The following KIAA0825 variants were observed in gnomAD, a reference collection of about 807,000 sequenced individuals.
KIAA0825 encodes the protein KIAA0825.
In KIAA0825, 119 loss-of-function variants were observed where a neutral mutation model predicts 147.6. The ratio of observed to expected loss-of-function variants is 0.81; its 90% CI spans 0.69 to 0.94. The LOEUF is 0.94. Ranked by LOEUF, KIAA0825 falls within the 40% of genes least tolerant of loss-of-function variation. The pLI is 0.00. For missense variants in KIAA0825, 1,381 were observed against 1,472.7 expected (o/e 0.94, Z 1.02); for synonymous variants, 470 against 518.1 (o/e 0.91, Z 1.26).
chr5:94,432,376 A>G (rs1755795353), intron 14 of KIAA0825, among the ~76,000 whole-genome samples: 1 of 152,174 alleles, frequency 6.6e-6, no homozygotes, highest in Non-Finnish European at 1.5e-5. Context: ...CTTATTTTAC[A>G]TAATCCATAT....
At chr5:94,529,271 GT>G (rs1375516222) in intron 3 of KIAA0825, among the ~76,000 whole-genome samples, 1 of 128,496 alleles carries the variant, frequency 7.8e-6, no homozygotes. Context: ...TCATATATAT[GT>G]ATGTATCATA....
chr5:94,313,836 T>TA (rs1259420666), intron 20 of KIAA0825, among the ~76,000 whole-genome samples: 2 of 151,578 alleles, frequency 1.3e-5, no homozygotes, highest in Admixed American at 6.6e-5. Flanking sequence ...ACCTTTACCT[T>TA]ACGGCTGCCC....
At chr5:94,491,054 A>C (rs1462657161) in intron 5 of KIAA0825, among the ~76,000 whole-genome samples, 1 of 152,194 alleles carries the variant, frequency 6.6e-6, no homozygotes, top group African/African-American at 2.4e-5. Flanking sequence ...ACAAGAGAAA[A>C]TGAGAAGCTA....
intron 20 of KIAA0825, among the ~76,000 whole-genome samples, chr5:94,191,222 A>G (rs1246004109): frequency 6.6e-6 from 1 of 152,206 alleles, no homozygotes; most frequent in Non-Finnish European, 1.5e-5. Flanking sequence ...GCAGTGATTC[A>G]TTCTCATTTA....
intron 20 of KIAA0825, among the ~76,000 whole-genome samples, chr5:94,248,621 T>A (rs1338833520): frequency 3.9e-5 from 6 of 152,064 alleles, no homozygotes; most frequent in Non-Finnish European, 8.8e-5. Flanking sequence ...TGTCAGTCCA[T>A]AGACCCCATT....
At chr5:94,463,809 A>G (rs573137718) in intron 11 of KIAA0825, among the ~76,000 whole-genome samples, 2 of 152,062 alleles carry the variant, frequency 1.3e-5, no homozygotes, top group East Asian at 3.9e-4. Flanking sequence ...GATTTCACAA[A>G]TATCTCATAA....
At chr5:94,611,310 G>A (rs1444213540) in intron 1 of KIAA0825, among the ~76,000 whole-genome samples, 4 of 152,006 alleles carry the variant, frequency 2.6e-5, no homozygotes, top group African/African-American at 4.8e-5. Context: ...ATTTCCTCGT[G>A]TATGATAGTT....
At chr5:94,254,563 GA>G (rs1319490963) in intron 20 of KIAA0825, among the ~76,000 whole-genome samples, 1 of 151,942 alleles carries the variant, frequency 6.6e-6, no homozygotes, top group Non-Finnish European at 1.5e-5. Flanking sequence ...GAGACTTTTT[GA>G]TTTTTTTGCT....
intron 20 of KIAA0825, among the ~76,000 whole-genome samples, chr5:94,254,041 TTA>T (rs1277879731): frequency 6.6e-6 from 1 of 152,138 alleles, no homozygotes; most frequent in Non-Finnish European, 1.5e-5. Flanking sequence ...GGCCTTGGGT[TTA>T]TTAGCCTTGC....
intron 14 of KIAA0825, among the ~76,000 whole-genome samples, chr5:94,425,273 A>G (rs1417225662): frequency 6.6e-6 from 1 of 152,248 alleles, no homozygotes; most frequent in Non-Finnish European, 1.5e-5. Flanking sequence ...CACATCAAAA[A>G]AAATAATACA....
chr5:94,527,285 C>T (rs926234109), intron 3 of KIAA0825, among the ~76,000 whole-genome samples: 3 of 151,706 alleles, frequency 2.0e-5, no homozygotes, highest in Non-Finnish European at 4.4e-5. Context: ...TGAACTGGTA[C>T]AGTTGGAGAT....
chr5:94,283,291 A>AAAT (rs1156884943), intron 20 of KIAA0825, among the ~76,000 whole-genome samples: 2 of 152,084 alleles, frequency 1.3e-5, no homozygotes, highest in East Asian at 3.9e-4. Context: ...ACAGAAGAAG[A>AAAT]AATTGAGGTA....
chr5:94,394,023 T>G (rs1022608044), intron 17 of KIAA0825, among the ~76,000 whole-genome samples: 2 of 151,874 alleles, frequency 1.3e-5, no homozygotes, highest in Non-Finnish European at 2.9e-5. Flanking sequence ...ATTTTTTTTT[T>G]GTATTTTTTG....
chr5:94,504,968 G>A (rs955141111), intron 5 of KIAA0825, among the ~76,000 whole-genome samples: 2 of 151,626 alleles, frequency 1.3e-5, no homozygotes, highest in Non-Finnish European at 2.9e-5. Context: ...GGATGGTCTC[G>A]AACTCCTGAC....
intron 20 of KIAA0825, among the ~76,000 whole-genome samples, chr5:94,307,737 A>C (rs1241561246): frequency 6.6e-6 from 1 of 151,716 alleles, no homozygotes; most frequent in African/African-American, 2.4e-5. Flanking sequence ...TCGAAAACAG[A>C]GATTGTCTTC....
Position 94,384,404 on chromosome 5 carries a change from A to C in KIAA0825, c.3674T>G (p.Leu1225Arg), listed in dbSNP as rs1308022062. Residue 1225 changes from leucine (L) to arginine (R), a missense_variant, in exon 20 of 21, where the codon CTG (leucine) becomes CGG (arginine). By Grantham distance (102) the Leu-to-Arg change is moderately radical (BLOSUM62 -2). Coordinates refer to ENST00000682413, the MANE Select transcript of KIAA0825 (RefSeq NM_001145678.3). ...WAKLLPNYLR[L>R]DKMTFSVLLK... The stretch of plus-strand genomic sequence containing the variant: ...CAGCACACTGAAGGTCATCTTATCC[A>C]GTCTCAGATAATTTGGCAGCAACTT... 1 of 1,551,976 alleles carries C rather than the reference A, an allele frequency of 6.4e-7. No homozygotes were observed. The highest frequency in any genetic ancestry group is 2.0e-5 in the Admixed American group (1 of 51,000).
At chr5:94,318,043 A>C (rs1779813255) in intron 20 of KIAA0825, among the ~76,000 whole-genome samples, 1 of 151,798 alleles carries the variant, frequency 6.6e-6, no homozygotes, top group South Asian at 2.1e-4. Flanking sequence ...CTGCAGTGGA[A>C]TATGCTTTTA....
intron 16 of KIAA0825, among the ~76,000 whole-genome samples, chr5:94,398,443 A>T (rs1460338779): frequency 8.1e-6 from 1 of 124,060 alleles, no homozygotes; most frequent in Non-Finnish European, 1.9e-5. Context: ...ACTTCTGAGT[A>T]TATCATTACT....
At position 94,190,323 on chromosome 5, in the gene KIAA0825, G is replaced by A. The variant is rs574622537; in HGVS notation, c.3711-36199C>T. 2.0e-5 allele frequency among the ~76,000 whole-genome samples: 3 copies of A among 151,794 alleles called. No individual in the cohort carries two copies. In the East Asian group the frequency reaches 5.9e-4, roughly 30 times the overall value. ...ATATCTAATACGATGTTTTTTGTTT[G>A]TTTGTTTGTTTGTTTGTTTTGAGAC... On this transcript the variant is annotated intron_variant, in intron 20 of 20. Transcript: ENST00000682413.
Sources: allele counts gnomAD v4.1 joint callset (sites outside exome capture counted in the v4.1 genomes callset), GRCh38; gene constraint gnomAD v4.1.1; transcripts MANE v1.5; gene names NCBI Gene and HGNC (gene_info 2026-07-23, HGNC 2026-07-21).